The following GPC5 variants were observed in gnomAD, a reference collection of about 807,000 sequenced individuals.
GPC5 encodes the protein glypican 5, also known as glypican-5.
A neutral mutation model predicts 53.9 loss-of-function variants in GPC5; 47 were observed. The ratio of observed to expected loss-of-function variants is 0.87; its 90% CI spans 0.69 to 1.11. The LOEUF (loss-of-function observed/expected upper bound fraction) is 1.11. Ranked by LOEUF, GPC5 falls within the 50% of genes most tolerant of loss-of-function variation. The probability of loss-of-function intolerance (pLI) is 0.00; values close to 1 mark genes in which losing one functional copy is unlikely to be tolerated. For synonymous variants in GPC5, 286 were observed against 263.3 expected, an observed-to-expected ratio of 1.09 and a Z score of -0.84; for missense variants, 748 against 713.1, an observed-to-expected ratio of 1.05 and a Z score of -0.56.
intron 7 of GPC5, among the ~76,000 whole-genome samples, chr13:92,833,018 A>G (rs1461508885): frequency 2.0e-5 from 3 of 152,158 alleles, no homozygotes; most frequent in Non-Finnish European, 4.4e-5. Flanking sequence ...AACAAACAAA[A>G]CAAAACAAAA....
At chr13:91,570,245 T>C (rs1337150767) in intron 2 of GPC5, among the ~76,000 whole-genome samples, 2 of 152,194 alleles carry the variant, frequency 1.3e-5, no homozygotes, top group African/African-American at 2.4e-5. Context: ...TTTTCAGACA[T>C]GCATTTTCCA....
At chr13:92,030,486 T>C (rs918272006) in intron 6 of GPC5, among the ~76,000 whole-genome samples, 19 of 152,146 alleles carry the variant, frequency 1.2e-4, no homozygotes, top group Non-Finnish European at 2.1e-4. Context: ...ACCATGCAGG[T>C]TCAATAACAG....
intron 6 of GPC5, among the ~76,000 whole-genome samples, chr13:91,964,691 C>T (rs1275488033): frequency 6.6e-6 from 1 of 152,058 alleles, no homozygotes. Context: ...AAAAGCCCAG[C>T]CAGCTTCACC....
At chr13:92,654,411 T>A (rs1275800197) in intron 7 of GPC5, among the ~76,000 whole-genome samples, 1 of 152,234 alleles carries the variant, frequency 6.6e-6, no homozygotes, top group Non-Finnish European at 1.5e-5. Flanking sequence ...TAATTCCATT[T>A]GATAAGGCAT....
chr13:92,371,353 A>C (rs562732125), intron 7 of GPC5, among the ~76,000 whole-genome samples: 1 of 152,304 alleles, frequency 6.6e-6, no homozygotes, highest in South Asian at 2.1e-4. Context: ...AGGGATTTTA[A>C]GAAATTATGG....
intron 6 of GPC5, among the ~76,000 whole-genome samples, chr13:91,940,055 C>G (rs2039910657): frequency 6.6e-6 from 1 of 152,060 alleles, no homozygotes; most frequent in Non-Finnish European, 1.5e-5. Flanking sequence ...ATTCTCAACT[C>G]CCCTATTCTA....
intron 7 of GPC5, among the ~76,000 whole-genome samples, chr13:92,754,466 T>C (rs1398350425): frequency 2.0e-5 from 3 of 151,838 alleles, no homozygotes; most frequent in Non-Finnish European, 4.4e-5. Context: ...CAGGATCAAA[T>C]TCACACATAA....
At chr13:92,397,294 T>C (rs1201302960) in intron 7 of GPC5, among the ~76,000 whole-genome samples, 1 of 152,142 alleles carries the variant, frequency 6.6e-6, no homozygotes, top group Non-Finnish European at 1.5e-5. Context: ...CCCATACTGT[T>C]CTTGTGGTAG....
chr13:91,405,809 C>T (rs1029981274), intron 1 of GPC5, among the ~76,000 whole-genome samples: 1 of 152,172 alleles, frequency 6.6e-6, no homozygotes. Context: ...CTCACTCTGT[C>T]ACCCAGGCTG....
chr13:92,072,811 T>C (rs2041224053), intron 6 of GPC5, among the ~76,000 whole-genome samples: 1 of 151,760 alleles, frequency 6.6e-6, no homozygotes, highest in Non-Finnish European at 1.5e-5. Context: ...CCTGAAGCGA[T>C]CTGCCCACCT....
At chr13:92,624,908 G>A (rs980398379) in intron 7 of GPC5, among the ~76,000 whole-genome samples, 1 of 152,220 alleles carries the variant, frequency 6.6e-6, no homozygotes, top group Non-Finnish European at 1.5e-5. Context: ...CTACTTGTAA[G>A]ATGTGCAGAA....
At chr13:92,125,014 A>G (rs1265796252) in intron 6 of GPC5, among the ~76,000 whole-genome samples, 2 of 152,154 alleles carry the variant, frequency 1.3e-5, no homozygotes, top group African/African-American at 2.4e-5. Context: ...ACAAGGAACT[A>G]TGTCTTGCCT....
At position 92,077,616 on chromosome 13, in the gene GPC5, G is replaced by A. The variant is rs2099675964; in HGVS notation, c.1402-67214G>A. Among the ~76,000 whole-genome samples, 5 of 152,248 alleles carry A rather than the reference G, an allele frequency of 3.3e-5. No homozygotes were observed. The South Asian group carries it at 1.0e-3, about 32-fold the overall frequency. On this transcript the variant is annotated intron_variant, in intron 6 of 7. Transcript: ENST00000377067. ...GCCAAGAGATAAGCCACCCATTCCA[G>A]AATTGCTGCTTCCTCCTTGATCTGC...
chr13:91,914,385 C>A (rs2039638679), intron 6 of GPC5, among the ~76,000 whole-genome samples: 1 of 151,924 alleles, frequency 6.6e-6, no homozygotes, highest in Non-Finnish European at 1.5e-5. Flanking sequence ...CCTAACAATT[C>A]AAATAACATA....
chr13:92,795,004 T>C (rs1016299594), intron 7 of GPC5, among the ~76,000 whole-genome samples: 2 of 152,100 alleles, frequency 1.3e-5, no homozygotes, highest in Non-Finnish European at 2.9e-5. Context: ...AAGCTACCAA[T>C]GACTTTCTTA....
At chr13:92,539,779 ACATTTTGATCATGTCTTCTATAT>A (rs1353445575) in intron 7 of GPC5, among the ~76,000 whole-genome samples, 2 of 151,944 alleles carry the variant, frequency 1.3e-5, no homozygotes, top group Non-Finnish European at 2.9e-5. Context: ...TTCACAGAAC[ACATTTTGATCATGTCTTCTATAT>A]CATTTTCCCT....
At chr13:91,566,845 T>C (rs756227792) in intron 2 of GPC5, among the ~76,000 whole-genome samples, 5 of 152,102 alleles carry the variant, frequency 3.3e-5, no homozygotes, top group African/African-American at 1.2e-4. Flanking sequence ...GAAAACTGAT[T>C]AGTCAACCAA....
intron 7 of GPC5, among the ~76,000 whole-genome samples, chr13:92,474,114 A>G (rs946176135): frequency 6.6e-6 from 1 of 151,256 alleles, no homozygotes; most frequent in Non-Finnish European, 1.5e-5. Flanking sequence ...TTTCTAGGAT[A>G]TGTGTTGCTT....
intron 5 of GPC5, among the ~76,000 whole-genome samples, chr13:91,889,848 C>G (rs1372706942): frequency 6.6e-6 from 1 of 152,134 alleles, no homozygotes; most frequent in Non-Finnish European, 1.5e-5. Context: ...AATGATTGCA[C>G]AATTCATACT....
Sources: allele counts gnomAD v4.1 joint callset (sites outside exome capture counted in the v4.1 genomes callset), GRCh38; gene constraint gnomAD v4.1.1; transcripts MANE v1.5; gene names NCBI Gene and HGNC (gene_info 2026-07-23, HGNC 2026-07-21).